MDGA2: variants seen among roughly 807,000 people sequenced by gnomAD.
The protein encoded by MDGA2 is MAM domain containing glycosylphosphatidylinositol anchor 2.
A neutral mutation model predicts 117.8 loss-of-function variants in MDGA2; 40 were observed. The observed-to-expected ratio is 0.34, with a 90% CI of 0.26 to 0.44. The LOEUF (loss-of-function observed/expected upper bound fraction) is 0.44. Ranked by LOEUF, MDGA2 falls within the 20% of genes least tolerant of loss-of-function variation. MDGA2 has a pLI of 1.00. For missense variants in MDGA2, 1,123 were observed against 1,250.6 expected, an observed-to-expected ratio of 0.90 and a Z score of 1.54; for synonymous variants, 452 against 439.0, an observed-to-expected ratio of 1.03 and a Z score of -0.37.
chr14:47,422,907 AGATAGAT>A (rs200079053), intron 1 of MDGA2, among the ~76,000 whole-genome samples: 2 of 152,172 alleles, frequency 1.3e-5, no homozygotes. Flanking sequence ...GATTTTAAAT[AGATAGAT>A]GATAGATGAT....
At chr14:47,038,217 C>T (rs143937990) in intron 7 of MDGA2, among the ~76,000 whole-genome samples, 11 of 152,288 alleles carry the variant, frequency 7.2e-5, no homozygotes, top group Non-Finnish European at 1.6e-4. Flanking sequence ...CAAGCGTGAG[C>T]CACCGTGCTC....
At chr14:46,928,532 A>C (rs1884417162) in intron 9 of MDGA2, among the ~76,000 whole-genome samples, 1 of 144,668 alleles carries the variant, frequency 6.9e-6, no homozygotes, top group African/African-American at 2.5e-5. Flanking sequence ...AAAGCTTTGT[A>C]ACTCAGTATT....
intron 1 of MDGA2, among the ~76,000 whole-genome samples, chr14:47,473,336 C>T (rs1051858671): frequency 6.6e-6 from 1 of 152,130 alleles, no homozygotes; most frequent in African/African-American, 2.4e-5. Context: ...GATGTAACAA[C>T]TCTCACTTAT....
chr14:47,640,425 C>A (rs1897402992), intron 1 of MDGA2, among the ~76,000 whole-genome samples: 1 of 152,200 alleles, frequency 6.6e-6, no homozygotes, highest in Non-Finnish European at 1.5e-5. Context: ...CAATTTTACC[C>A]CACTAGTCTT....
chr14:47,405,936 A>C (rs2138474108), intron 1 of MDGA2, among the ~76,000 whole-genome samples: 1 of 152,262 alleles, frequency 6.6e-6, no homozygotes, highest in South Asian at 2.1e-4. Context: ...ACAATTGAAA[A>C]CCTTAAGGAT....
intron 9 of MDGA2, among the ~76,000 whole-genome samples, chr14:46,930,517 C>T (rs1884529370): frequency 6.6e-6 from 1 of 152,128 alleles, no homozygotes; most frequent in Non-Finnish European, 1.5e-5. Context: ...AAGAAAACTT[C>T]AGCTAAAATA....
At chr14:47,044,635 C>A (rs1889192178) in intron 7 of MDGA2, among the ~76,000 whole-genome samples, 1 of 152,044 alleles carries the variant, frequency 6.6e-6, no homozygotes, top group Non-Finnish European at 1.5e-5. Flanking sequence ...ATAAAAACTG[C>A]CTTTTTTCAC....
intron 9 of MDGA2, among the ~76,000 whole-genome samples, chr14:46,938,413 C>A (rs1209892090): frequency 6.6e-6 from 1 of 150,414 alleles, no homozygotes; most frequent in East Asian, 2.0e-4. Flanking sequence ...GTGGCGGGAG[C>A]CTATAATCCC....
rs553123920 is a variant in MDGA2 at position 47,479,016 on chromosome 14, G to A, written c.281-177466C>T. Reference sequence around the variant, plus strand: ...AAAACAATTAGTTCCGAGAGTAACAGTAGCAGACTCTTTGTGGTAACAATC... The same window carrying A: ...AAAACAATTAGTTCCGAGAGTAACAATAGCAGACTCTTTGTGGTAACAATC... On this transcript the variant is annotated intron_variant, in intron 1 of 16. Coordinates refer to ENST00000399232, the MANE Select transcript of MDGA2 (RefSeq NM_001113498.3). 3.9e-5 allele frequency among the ~76,000 whole-genome samples: 6 copies of A among 152,332 alleles called. No individual in the cohort carries two copies. In the East Asian group the frequency reaches 7.7e-4, roughly 20 times the overall value.
At chr14:47,042,333 G>T (rs866423623) in intron 7 of MDGA2, among the ~76,000 whole-genome samples, 200 of 120,624 alleles carry the variant, frequency 1.7e-3, no homozygotes, top group Middle Eastern at 4.7e-3. Context: ...TTTTTTGTGT[G>T]TGTGTGTGTG....
At chr14:47,050,038 G>C (rs1472389991) in intron 7 of MDGA2, among the ~76,000 whole-genome samples, 1 of 151,910 alleles carries the variant, frequency 6.6e-6, no homozygotes, top group African/African-American at 2.4e-5. Flanking sequence ...TGTGATTTGA[G>C]GTTTCTAAAA....
At chr14:47,043,003 A>G (rs1889132263) in intron 7 of MDGA2, among the ~76,000 whole-genome samples, 1 of 152,158 alleles carries the variant, frequency 6.6e-6, no homozygotes, top group African/African-American at 2.4e-5. Flanking sequence ...AAATATTCAT[A>G]TAATGATACA....
chr14:47,591,556 T>C (rs992655937), intron 1 of MDGA2, among the ~76,000 whole-genome samples: 1 of 152,136 alleles, frequency 6.6e-6, no homozygotes, highest in Non-Finnish European at 1.5e-5. Context: ...AATAAAGTAC[T>C]GGCAAACCGA....
intron 1 of MDGA2, among the ~76,000 whole-genome samples, chr14:47,434,065 G>T (rs894896870): frequency 6.6e-6 from 1 of 151,938 alleles, no homozygotes; most frequent in African/African-American, 2.4e-5. Flanking sequence ...TCTGAAAAAA[G>T]TCACTCTGAT....
chr14:47,407,748 G>A (rs1181599320), intron 1 of MDGA2, among the ~76,000 whole-genome samples: 1 of 152,086 alleles, frequency 6.6e-6, no homozygotes, highest in African/African-American at 2.4e-5. Flanking sequence ...TAGTGAAAAT[G>A]AGAGTTATTT....
At chr14:47,643,315 G>A (rs756011180) in intron 1 of MDGA2, among the ~76,000 whole-genome samples, 1 of 152,052 alleles carries the variant, frequency 6.6e-6, no homozygotes, top group Non-Finnish European at 1.5e-5. Flanking sequence ...TGAGCAGCCT[G>A]TTTTAGCATC....
intron 8 of MDGA2, among the ~76,000 whole-genome samples, chr14:46,970,441 C>T (rs981382522): frequency 6.6e-6 from 1 of 152,004 alleles, no homozygotes; most frequent in East Asian, 1.9e-4. Flanking sequence ...CAAGAACATA[C>T]AATGGGGAAA....
intron 5 of MDGA2, among the ~76,000 whole-genome samples, chr14:47,105,233 CAATTGCTT>C (rs1469814033): frequency 6.6e-6 from 1 of 152,118 alleles, no homozygotes; most frequent in Non-Finnish European, 1.5e-5. Context: ...AAGAAGCCCC[CAATTGCTT>C]ATTTCCGCAC....
intron 3 of MDGA2, among the ~76,000 whole-genome samples, chr14:47,210,921 T>A (rs903554985): frequency 6.6e-6 from 1 of 152,108 alleles, no homozygotes; most frequent in Admixed American, 6.6e-5. Context: ...AGTCCAAGGT[T>A]ACAGTGAGCT....
Sources: allele counts gnomAD v4.1 joint callset (sites outside exome capture counted in the v4.1 genomes callset), GRCh38; gene constraint gnomAD v4.1.1; transcripts MANE v1.5; gene names NCBI Gene and HGNC (gene_info 2026-07-23, HGNC 2026-07-21).